The following MACROD2 variants were observed in gnomAD, a reference collection of about 807,000 sequenced individuals.
The protein encoded by MACROD2 is ADP-ribose glycohydrolase MACROD2.
MACROD2 carries 36 observed loss-of-function variants against 70.4 expected under a neutral mutation model. That is an observed-to-expected ratio of 0.51 (90% CI 0.39 to 0.68). The LOEUF (loss-of-function observed/expected upper bound fraction) is 0.68, where lower values mean the gene tolerates loss of function less well. Ranked by LOEUF, MACROD2 falls within the 30% of genes least tolerant of loss-of-function variation. MACROD2 has a pLI of 0.00. For missense variants in MACROD2, 496 were observed against 538.4 expected (o/e 0.92, Z 0.78); for synonymous variants, 172 against 178.8 (o/e 0.96, Z 0.30).
chr20:15,168,702 C>T (rs2076403273), intron 5 of MACROD2, among the ~76,000 whole-genome samples: 1 of 151,874 alleles, frequency 6.6e-6, no homozygotes, highest in African/African-American at 2.4e-5. Flanking sequence ...AAAGAATGAG[C>T]CAGGTGTGAT....
intron 8 of MACROD2, among the ~76,000 whole-genome samples, chr20:15,742,893 T>C (rs1303265106): frequency 8.5e-5 from 13 of 152,232 alleles, no homozygotes; most frequent in Admixed American, 3.3e-4. Context: ...GTATGTCCAA[T>C]ATAACTGTGA....
intron 2 of MACROD2, among the ~76,000 whole-genome samples, chr20:14,023,828 T>C (rs1332019855): frequency 2.0e-5 from 3 of 152,332 alleles, no homozygotes; most frequent in South Asian, 4.1e-4. Flanking sequence ...TGAAGTCAGG[T>C]AGTATGATGC....
intron 5 of MACROD2, among the ~76,000 whole-genome samples, chr20:14,927,261 A>G (rs146499270): frequency 5.9e-5 from 9 of 152,288 alleles, no homozygotes; most frequent in South Asian, 2.1e-4. Context: ...GTAGAGAAAA[A>G]GAAGATTGTA....
chr20:14,479,474 T>C (rs1322830661), intron 3 of MACROD2, among the ~76,000 whole-genome samples: 1 of 152,178 alleles, frequency 6.6e-6, no homozygotes, highest in Non-Finnish European at 1.5e-5. Flanking sequence ...CTACATTGGA[T>C]GTCAGGGAAT....
chr20:15,838,508 A>G (rs1021974663), intron 8 of MACROD2, among the ~76,000 whole-genome samples: 4 of 152,152 alleles, frequency 2.6e-5, no homozygotes, highest in Non-Finnish European at 5.9e-5. Context: ...TGTGATTTAT[A>G]TTGGAAAGAT....
chr20:14,499,754 C>G (rs1286698972), intron 4 of MACROD2, among the ~76,000 whole-genome samples: 1 of 151,998 alleles, frequency 6.6e-6, no homozygotes. Context: ...CTCCCTCCCT[C>G]CTGCCTCCCT....
intron 9 of MACROD2, among the ~76,000 whole-genome samples, chr20:15,878,431 G>C (rs2064706415): frequency 6.6e-6 from 1 of 152,140 alleles, no homozygotes; most frequent in African/African-American, 2.4e-5. Context: ...AATAGATCTT[G>C]AGTGGGACCT....
chr20:15,834,536 C>T (rs1301798608), intron 8 of MACROD2, among the ~76,000 whole-genome samples: 1 of 152,086 alleles, frequency 6.6e-6, no homozygotes, highest in Non-Finnish European at 1.5e-5. Context: ...GCTGCCATAG[C>T]TTCCCCATAT....
intron 5 of MACROD2, among the ~76,000 whole-genome samples, chr20:15,213,763 A>C (rs868228585): frequency 7.9e-5 from 12 of 152,202 alleles, no homozygotes; most frequent in Admixed American, 2.6e-4. Flanking sequence ...CATCTCTCAG[A>C]TAGGCCCATA....
At chr20:15,607,343 C>G (rs2048907530) in intron 8 of MACROD2, among the ~76,000 whole-genome samples, 1 of 152,054 alleles carries the variant, frequency 6.6e-6, no homozygotes, top group African/African-American at 2.4e-5. Context: ...TATTAATTTC[C>G]CCTAATTAGG....
intron 8 of MACROD2, among the ~76,000 whole-genome samples, chr20:15,710,194 C>CAAAA (rs67656339): frequency 9.7e-6 from 1 of 102,688 alleles, no homozygotes; most frequent in Non-Finnish European, 1.9e-5. Context: ...ATCAAAAAGA[C>CAAAA]AAAAAAAAAA....
In MACROD2 at chr20:15,049,585, A is replaced by G. The variant is rs182465264; in HGVS notation, c.419-180355A>G. Among the ~76,000 whole-genome samples, 290 of 152,338 alleles carry G rather than the reference A, an allele frequency of 1.9e-3. 3 individuals are homozygous for G. The highest frequency in any genetic ancestry group is 1.4e-3 in the East Asian group (7 of 5,180). On this transcript the variant is annotated intron_variant, in intron 5 of 17. Transcript: ENST00000684519. ...TATTTGGGGCAACCAGATATAGTCA[A>G]GGCATAGTGTGCTACCCTCTAAGAT...
chr20:15,514,267 A>G (rs1271137402), intron 8 of MACROD2, among the ~76,000 whole-genome samples: 1 of 152,194 alleles, frequency 6.6e-6, no homozygotes, highest in African/African-American at 2.4e-5. Flanking sequence ...CCAGGCCTTC[A>G]CATGTACTCA....
In MACROD2 at chr20:15,885,762, A is replaced by G; in HGVS notation, c.728-2A>G. The G allele has an allele frequency of 6.7e-7, 1 of 1,482,978 alleles. No individual in the cohort carries two copies. Among genetic ancestry groups the G allele is most frequent in the Non-Finnish European group, 9.0e-7 (1 of 1,115,974 alleles). The allele number at this position is 1,482,978 out of a possible 1,614,324, so 91.9% of individuals were successfully genotyped here. On this transcript the variant is annotated splice_acceptor_variant, in intron 9 of 17. Coordinates refer to ENST00000684519, the MANE Select transcript of MACROD2 (RefSeq NM_001351661.2). LOFTEE classifies it high-confidence loss of function. ...TCTTTATGTTTTCCTATTTTTTAAC[A>G]GACGATAATAATGAAGAAGAAGAGG...
At chr20:15,007,917 G>A (rs932663615) in intron 5 of MACROD2, among the ~76,000 whole-genome samples, 4 of 152,224 alleles carry the variant, frequency 2.6e-5, no homozygotes, top group Non-Finnish European at 5.9e-5. Flanking sequence ...GGGGAACCCT[G>A]ATTTGCATTC....
intron 5 of MACROD2, among the ~76,000 whole-genome samples, chr20:14,888,966 T>G (rs1433488272): frequency 6.6e-6 from 1 of 152,146 alleles, no homozygotes; most frequent in African/African-American, 2.4e-5. Flanking sequence ...ATTTACCTAC[T>G]TAATCTTAAA....
chr20:14,355,339 T>C (rs186793986), intron 3 of MACROD2, among the ~76,000 whole-genome samples: 111 of 152,340 alleles, frequency 7.3e-4, no homozygotes, highest in African/African-American at 2.6e-3. Flanking sequence ...TGACTCTGAC[T>C]AGGAGTGTAA....
chr20:14,320,421 T>C (rs2082648575), intron 3 of MACROD2, among the ~76,000 whole-genome samples: 1 of 152,210 alleles, frequency 6.6e-6, no homozygotes, highest in Admixed American at 6.5e-5. Flanking sequence ...GCAATATTTT[T>C]TATTTTTATA....
At chr20:15,778,883 T>A (rs1161432811) in intron 8 of MACROD2, among the ~76,000 whole-genome samples, 2 of 152,106 alleles carry the variant, frequency 1.3e-5, no homozygotes, top group Non-Finnish European at 2.9e-5. Flanking sequence ...GCTCATATGC[T>A]GTCTTGATAA....
Sources: allele counts gnomAD v4.1 joint callset (sites outside exome capture counted in the v4.1 genomes callset), GRCh38; gene constraint gnomAD v4.1.1; transcripts MANE v1.5; gene names NCBI Gene and HGNC (gene_info 2026-07-23, HGNC 2026-07-21).